The following PPP3CA variants were observed in gnomAD, a reference collection of about 807,000 sequenced individuals.
The protein encoded by PPP3CA is CAM-PRP catalytic subunit.
PPP3CA carries 14 observed loss-of-function variants against 66.5 expected under a neutral mutation model. The ratio of observed to expected loss-of-function variants is 0.21; its 90% CI spans 0.14 to 0.33. The LOEUF is 0.33. PPP3CA is among the 10% of genes least tolerant of loss of function. The pLI is 1.00. For missense variants in PPP3CA, 317 were observed against 639.5 expected (o/e 0.50, Z 5.44); for synonymous variants, 232 against 226.2 (o/e 1.03, Z -0.23).
At chr4:101,128,889 C>G (rs78356018) in intron 2 of PPP3CA, among the ~76,000 whole-genome samples, 3,995 of 152,054 alleles carry the variant, frequency 0.026, 199 homozygotes, top group African/African-American at 0.09. Flanking sequence ...GGAAGACAAG[C>G]GAGATGGAAC....
chr4:101,066,584 C>A (rs1728690390), intron 8 of PPP3CA, among the ~76,000 whole-genome samples: 1 of 151,936 alleles, frequency 6.6e-6, no homozygotes. Flanking sequence ...TTTTCTTCAG[C>A]AACACATTTA....
intron 6 of PPP3CA, among the ~76,000 whole-genome samples, chr4:101,090,877 T>C (rs1729896917): frequency 8.5e-6 from 1 of 117,712 alleles, no homozygotes; most frequent in Non-Finnish European, 1.8e-5. Flanking sequence ...TATCTGTGTC[T>C]ATATTATAAT....
intron 1 of PPP3CA, among the ~76,000 whole-genome samples, chr4:101,251,696 T>C (rs948082456): frequency 2.6e-5 from 4 of 152,070 alleles, no homozygotes; most frequent in African/African-American, 9.7e-5. Flanking sequence ...CAATTACAAC[T>C]ATAATAATAA....
intron 1 of PPP3CA, among the ~76,000 whole-genome samples, chr4:101,240,017 T>C (rs1726250770): frequency 6.7e-6 from 1 of 149,756 alleles, no homozygotes; most frequent in African/African-American, 2.5e-5. Flanking sequence ...GTGACTAGTT[T>C]TTAATTTTTT....
Position 101,035,325 on chromosome 4 carries a change from A to C in PPP3CA, c.1242-2961T>G, listed in dbSNP as rs113225551. On this transcript the variant is annotated intron_variant, in intron 11 of 13. Coordinates refer to ENST00000394854, the MANE Select transcript of PPP3CA (RefSeq NM_000944.5). ...CAAAAACATGGGACTCATCAAAAAA[A>C]ACAATTACAACCCATAATGCTCTGA... is the stretch of plus-strand genomic sequence containing the variant. Among the ~76,000 whole-genome samples the C allele has an allele frequency of 6.9e-3, 1,048 of 152,264 alleles. 8 individuals carry two copies. The highest frequency in any genetic ancestry group is 0.036 in the South Asian group (176 of 4,822).
chr4:101,171,801 C>A (rs1477187251), intron 2 of PPP3CA, among the ~76,000 whole-genome samples: 1 of 152,142 alleles, frequency 6.6e-6, no homozygotes, highest in Non-Finnish European at 1.5e-5. Flanking sequence ...GTAATACTTA[C>A]CACAAATATA....
intron 2 of PPP3CA, among the ~76,000 whole-genome samples, chr4:101,169,281 T>A (rs902179417): frequency 2.6e-5 from 4 of 152,192 alleles, no homozygotes; most frequent in African/African-American, 9.7e-5. Flanking sequence ...TCATCACTTT[T>A]ACCTTCTACA....
At chr4:101,278,132 A>T (rs73835911) in intron 1 of PPP3CA, among the ~76,000 whole-genome samples, 28 of 143,442 alleles carry the variant, frequency 2.0e-4, no homozygotes, top group Admixed American at 4.7e-4. Flanking sequence ...TAAAAAAAAA[A>T]AAAAAAATAA....
intron 1 of PPP3CA, among the ~76,000 whole-genome samples, chr4:101,330,976 T>C (rs931290600): frequency 6.6e-6 from 1 of 152,166 alleles, no homozygotes; most frequent in African/African-American, 2.4e-5. Flanking sequence ...ACTACATATT[T>C]CTACAAAGAA....
intron 11 of PPP3CA, among the ~76,000 whole-genome samples, chr4:101,035,564 C>G (rs531286710): frequency 1.3e-5 from 2 of 152,254 alleles, no homozygotes; most frequent in South Asian, 4.1e-4. Context: ...GTTTCCTTAT[C>G]TATAAAATCA....
At chr4:101,259,731 A>C (rs902123899) in intron 1 of PPP3CA, among the ~76,000 whole-genome samples, 13 of 152,112 alleles carry the variant, frequency 8.5e-5, no homozygotes, top group African/African-American at 3.1e-4. Context: ...ACACACACAC[A>C]CCATCCTAAA....
chr4:101,319,180 A>G (rs1728966897), intron 1 of PPP3CA, among the ~76,000 whole-genome samples: 1 of 151,850 alleles, frequency 6.6e-6, no homozygotes, highest in Admixed American at 6.6e-5. Flanking sequence ...GAAAAAAAAA[A>G]AAAAAGCCTG....
At chr4:101,105,372 G>T (rs1411963890) in intron 3 of PPP3CA, among the ~76,000 whole-genome samples, 1 of 151,448 alleles carries the variant, frequency 6.6e-6, no homozygotes, top group Non-Finnish European at 1.5e-5. Flanking sequence ...TCACCATGTT[G>T]GCCAGGATGG....
At chr4:101,244,563 A>T (rs555211705) in intron 1 of PPP3CA, among the ~76,000 whole-genome samples, 1 of 152,296 alleles carries the variant, frequency 6.6e-6, no homozygotes, top group South Asian at 2.1e-4. Context: ...CTAACAGCAC[A>T]ATTAAGAGTA....
chr4:101,278,674 C>T (rs1283218489), intron 1 of PPP3CA, among the ~76,000 whole-genome samples: 3 of 152,160 alleles, frequency 2.0e-5, no homozygotes, highest in East Asian at 1.9e-4. Flanking sequence ...GTAGGGTTTG[C>T]GTGGGCAGTC....
At chr4:101,041,405 T>A (rs555030641) in intron 10 of PPP3CA, among the ~76,000 whole-genome samples, 23 of 149,878 alleles carry the variant, frequency 1.5e-4, no homozygotes, top group Non-Finnish European at 3.1e-4. Flanking sequence ...GGAAGAAGTA[T>A]AAAACAGAAA....
chr4:101,111,148 T>C (rs1456574390), intron 2 of PPP3CA, among the ~76,000 whole-genome samples: 1 of 152,162 alleles, frequency 6.6e-6, no homozygotes, highest in Non-Finnish European at 1.5e-5. Context: ...TTCTCTCAAA[T>C]TGTAGGAAAC....
At chr4:101,223,075 A>C (rs2081870283) in intron 1 of PPP3CA, among the ~76,000 whole-genome samples, 1 of 151,756 alleles carries the variant, frequency 6.6e-6, no homozygotes, top group African/African-American at 2.4e-5. Context: ...CAAGCTGTCA[A>C]ACCTGTCAAA....
intron 1 of PPP3CA, among the ~76,000 whole-genome samples, chr4:101,201,214 C>G (rs1001199917): frequency 6.6e-6 from 1 of 152,138 alleles, no homozygotes; most frequent in Non-Finnish European, 1.5e-5. Flanking sequence ...TTTTACTGGA[C>G]AGTGGTATTC....
Sources: gnomAD v4.1 joint callset for allele counts (sites outside exome capture counted in the v4.1 genomes callset) on GRCh38, gnomAD v4.1.1 for gene constraint, MANE v1.5 for transcripts, NCBI Gene and HGNC (gene_info 2026-07-23, HGNC 2026-07-21) for gene names.